RIMBP2: variants seen among roughly 807,000 people sequenced by gnomAD.
RIMBP2 encodes the protein RIMS binding protein 2.
In RIMBP2, 48 loss-of-function variants were observed where a neutral mutation model predicts 118.6. The observed-to-expected ratio is 0.40, with a 90% CI of 0.32 to 0.51. RIMBP2 has a LOEUF of 0.51. Among genes scored for constraint, RIMBP2 ranks in the 20% least tolerant of loss-of-function variants. The probability of loss-of-function intolerance (pLI) is 0.41; values close to 1 mark genes in which losing one functional copy is unlikely to be tolerated. For missense variants in RIMBP2, 1,551 were observed against 1,768.3 expected, an observed-to-expected ratio of 0.88 and a Z score of 2.20; for synonymous variants, 762 against 742.9, an observed-to-expected ratio of 1.03 and a Z score of -0.42.
intron 1 of RIMBP2, among the ~76,000 whole-genome samples, chr12:130,676,762 C>T (rs377228961): frequency 1.2e-4 from 19 of 152,174 alleles, no homozygotes; most frequent in South Asian, 4.1e-4. Context: ...TGAGAAGAGA[C>T]GGTTCCAGAC....
At position 130,506,666 on chromosome 12, in the gene RIMBP2, G is replaced by A. The variant is rs935313684; in HGVS notation, c.-22C>T. The A allele has an allele frequency of 4.1e-6, 4 of 985,580 alleles. No homozygotes were observed. The highest frequency in any genetic ancestry group is 1.1e-4 in the East Asian group (1 of 8,810). 61.1% of individuals were successfully genotyped at this position (985,580 alleles called of 1,614,324 possible). ...AGCTTACCTTCAGGACCTGTTCTAG[G>A]TTCTCCAGCTTGGCTTGGAGCTGGT... On this transcript the variant is annotated 5_prime_UTR_variant, in exon 4 of 23. Coordinates refer to ENST00000690449, the MANE Select transcript of RIMBP2 (RefSeq NM_001393629.1).
At chr12:130,658,635 G>T (rs78819405) in intron 1 of RIMBP2, 1 of 152,060 alleles carries the variant, frequency 6.6e-6, no homozygotes, top group African/African-American at 2.4e-5. Flanking sequence ...GGCAAGCGCG[G>T]TAGCTGCAGC....
chr12:130,589,106 C>A (rs1259056720), intron 2 of RIMBP2, among the ~76,000 whole-genome samples: 1 of 152,162 alleles, frequency 6.6e-6, no homozygotes, highest in Admixed American at 6.6e-5. Flanking sequence ...ATATTCAGAT[C>A]TCCAGTGACT....
intron 2 of RIMBP2, among the ~76,000 whole-genome samples, chr12:130,548,075 G>A (rs2055352189): frequency 6.6e-6 from 1 of 152,144 alleles, no homozygotes; most frequent in African/African-American, 2.4e-5. Flanking sequence ...ATGATCCAAA[G>A]ACCATCAAAG....
Position 130,434,932 on chromosome 12 carries a change from G to T in RIMBP2, c.2107-52C>A. The T allele has an allele frequency of 1.3e-6, 2 of 1,548,660 alleles. No individual in the cohort carries two copies. On this transcript the variant is annotated intron_variant, in intron 13 of 22. Coordinates refer to ENST00000690449, the MANE Select transcript of RIMBP2 (RefSeq NM_001393629.1). The surrounding 1 kb of genome is among the most constrained non-coding windows in gnomAD (Gnocchi z 5.7). The stretch of plus-strand genomic sequence containing the variant: ...GTGAGGCAGGGCCACCTTCAGCTAC[G>T]CTCAGCCCCACCTGCATTCACCAAA...
intron 15 of RIMBP2, chr12:130,426,319 G>A (rs11060886): frequency 0.5 from 73,090 of 145,234 alleles, 20,102 homozygotes; most frequent in Middle Eastern, 0.66. Context: ...TCACTCTATT[G>A]CCCAGTCTGG....
Position 130,428,291 on chromosome 12 carries a change from C to G in RIMBP2, c.2300G>C (p.Gly767Ala). The G allele has an allele frequency of 6.2e-7, 1 of 1,612,894 alleles. No homozygotes were observed. Among genetic ancestry groups the G allele is most frequent in the Non-Finnish European group, 8.5e-7 (1 of 1,179,424 alleles). The change falls in exon 15 of 23, where the codon GGG becomes GCG. Residue 767 changes from glycine to alanine, a missense_variant. By Grantham distance (60) the Gly-to-Ala change is moderately conservative. Coordinates refer to ENST00000690449, the MANE Select transcript of RIMBP2 (RefSeq NM_001393629.1). ...CTCCATGATGTCTGAGAGGTCAGAC[C>G]CCCGGCTGCTCTCTGTGTGGTACTC... ...GDEYHTESSRGSDLSDIMEED... is the reference protein window; with the variant it reads ...GDEYHTESSRASDLSDIMEED...
At chr12:130,590,101 C>A (rs1006888854) in intron 2 of RIMBP2, among the ~76,000 whole-genome samples, 4 of 152,170 alleles carry the variant, frequency 2.6e-5, no homozygotes, top group African/African-American at 9.7e-5. Flanking sequence ...AGCATTCTTC[C>A]TGCAGACGCT....
chr12:130,715,307 T>TC (rs1286291627), intron 1 of RIMBP2, among the ~76,000 whole-genome samples: 3 of 151,556 alleles, frequency 2.0e-5, no homozygotes, highest in Non-Finnish European at 4.4e-5. Context: ...CACCCCCGCC[T>TC]CCCCCGGGGC....
In RIMBP2 at chr12:130,506,683, G is replaced by A. The variant is rs2050390395; in HGVS notation, c.-39C>T. On this transcript the variant is annotated 5_prime_UTR_variant, in exon 4 of 23. Coordinates refer to ENST00000690449, the MANE Select transcript of RIMBP2 (RefSeq NM_001393629.1). Reference sequence around the variant, plus strand: ...TGTTCTAGGTTCTCCAGCTTGGCTTGGAGCTGGTGTTTCTCCTTCACGGCC... The same window carrying A: ...TGTTCTAGGTTCTCCAGCTTGGCTTAGAGCTGGTGTTTCTCCTTCACGGCC... The A allele has an allele frequency of 2.0e-6, 2 of 985,644 alleles. No individual in the cohort carries two copies. Among genetic ancestry groups the A allele is most frequent in the Non-Finnish European group, 2.4e-6 (2 of 829,940 alleles). The allele number at this position is 985,644 out of a possible 1,614,324, so 61.1% of individuals were successfully genotyped here.
rs867684456 is a variant in RIMBP2 at position 130,618,038 on chromosome 12, A to G, written c.-217+10284T>C. ...AAGACCTCTTCTAAAAAAAAAAAGT[A>G]AAAAAGGGGAAAAAGAAAGAAAATC... On this transcript the variant is annotated intron_variant, in intron 2 of 22. Coordinates refer to ENST00000690449, the MANE Select transcript of RIMBP2 (RefSeq NM_001393629.1). Among the ~76,000 whole-genome samples the G allele has an allele frequency of 3.1e-3, 445 of 144,058 alleles. 7 individuals are homozygous for G. The highest frequency in any genetic ancestry group is 0.011 in the African/African-American group (419 of 39,116). The allele number at this position is 144,058 out of a possible 152,430, so 94.5% of individuals were successfully genotyped here.
intron 4 of RIMBP2, among the ~76,000 whole-genome samples, chr12:130,488,396 G>A (rs545790816): frequency 2.0e-5 from 3 of 152,108 alleles, no homozygotes; most frequent in South Asian, 2.1e-4. Flanking sequence ...TAGGTGGATG[G>A]TAGGGGAAAA....
At position 130,471,422 on chromosome 12, in the gene RIMBP2, G is replaced by A. The variant is rs187938087; in HGVS notation, c.103-679C>T. ...TGTCCTCACAGGCCCGGAAGTCCCA[G>A]CATCATCATGATGGTAAGGACCTGT... is the stretch of plus-strand genomic sequence containing the variant. On this transcript the variant is annotated intron_variant, in intron 5 of 22. Transcript: ENST00000690449. Among the ~76,000 whole-genome samples the A allele has an allele frequency of 2.3e-3, 350 of 152,370 alleles. 3 individuals are homozygous for A. The highest frequency in any genetic ancestry group is 3.1e-3 in the Non-Finnish European group (210 of 68,036).
chr12:130,700,941 G>T (rs562998208), intron 1 of RIMBP2, among the ~76,000 whole-genome samples: 1 of 152,314 alleles, frequency 6.6e-6, no homozygotes, highest in Non-Finnish European at 1.5e-5. Flanking sequence ...GCACCACTGT[G>T]TACAAGCACT....
Position 130,642,348 on chromosome 12 carries a change from G to A in RIMBP2, c.-351-13892C>T, listed in dbSNP as rs369456080. 9.2e-4 allele frequency among the ~76,000 whole-genome samples: 140 copies of A among 152,208 alleles called. 1 individual carries two copies. The highest frequency in any genetic ancestry group is 3.2e-3 in the African/African-American group (132 of 41,538). On this transcript the variant is annotated intron_variant, in intron 1 of 22. Coordinates refer to ENST00000690449, the MANE Select transcript of RIMBP2 (RefSeq NM_001393629.1). The stretch of plus-strand genomic sequence containing the variant: ...CACCCAGGCTAGAGTGCAATGGCGC[G>A]ATCTCAGCTCACTGTAACCTCCACC...
chr12:130,422,402 G>T lies in RIMBP2; in HGVS notation c.3238+51C>A. 2 of 1,331,758 alleles carry T rather than the reference G, an allele frequency of 1.5e-6. No individual in the cohort carries two copies. The highest frequency in any genetic ancestry group is 2.1e-6 in the Non-Finnish European group (2 of 936,082). 82.5% of individuals were successfully genotyped at this position (1,331,758 alleles called of 1,614,324 possible). ...TGTTCATGCTTAGATGGAGTAAGCAGCCACATGCTCCGCGGCTGAAAGACA... is the reference window on the plus strand; with the variant it reads ...TGTTCATGCTTAGATGGAGTAAGCATCCACATGCTCCGCGGCTGAAAGACA... On this transcript the variant is annotated intron_variant, in intron 17 of 22. Coordinates refer to ENST00000690449, the MANE Select transcript of RIMBP2 (RefSeq NM_001393629.1). This position sits in a 1 kb window ranked among gnomAD's most constrained non-coding sequence, Gnocchi z 5.2.
At chr12:130,704,723 C>T (rs1402363986) in intron 1 of RIMBP2, among the ~76,000 whole-genome samples, 2 of 152,170 alleles carry the variant, frequency 1.3e-5, no homozygotes, top group Non-Finnish European at 2.9e-5. Flanking sequence ...CTGCCACCAC[C>T]GCCTCCACAG....
intron 22 of RIMBP2, 43 bp downstream of exon 22, chr12:130,399,636 C>A: frequency 6.2e-7 from 1 of 1,607,510 alleles, no homozygotes; most frequent in Non-Finnish European, 8.5e-7. Flanking sequence ...CCACATATGG[C>A]AGAACGGGAC....
chr12:130,464,262 C>T (rs1182110170), intron 6 of RIMBP2, among the ~76,000 whole-genome samples: 1 of 152,250 alleles, frequency 6.6e-6, no homozygotes, highest in Non-Finnish European at 1.5e-5. Flanking sequence ...GCGCAAGATC[C>T]AAGAACCCTC....
Sources: allele counts gnomAD v4.1 joint callset (sites outside exome capture counted in the v4.1 genomes callset), GRCh38; gene constraint gnomAD v4.1.1; non-coding constraint Gnocchi (gnomAD v3.1); transcripts MANE v1.5; gene names NCBI Gene and HGNC (gene_info 2026-07-23, HGNC 2026-07-21).